CABIN1: variants seen among roughly 807,000 people sequenced by gnomAD.
CABIN1 encodes the protein calcineurin binding protein 1.
Under a neutral mutation model 227.7 loss-of-function variants are expected in CABIN1, and 133 were observed. That is an observed-to-expected ratio of 0.58 (90% confidence interval 0.51 to 0.67). The LOEUF (loss-of-function observed/expected upper bound fraction) is 0.67, where lower values mean the gene tolerates loss of function less well. Among genes scored for constraint, CABIN1 ranks in the 30% least tolerant of loss-of-function variants. The probability of loss-of-function intolerance (pLI) is 0.00; values close to 1 mark genes in which losing one functional copy is unlikely to be tolerated. For synonymous variants in CABIN1, 1,086 were observed against 1,155.1 expected (o/e 0.94, Z 1.21); for missense variants, 2,408 against 2,852.5 (o/e 0.84, Z 3.55).
intron 19 of CABIN1, among the ~76,000 whole-genome samples, chr22:24,082,188 C>G (rs144141456): frequency 2.0e-5 from 3 of 150,006 alleles, no homozygotes; most frequent in Non-Finnish European, 2.9e-5. Context: ...CTCCTGGGCT[C>G]GAGCAGTCTT....
At chr22:24,053,078 CTTTT>C (rs71184943) in intron 8 of CABIN1, among the ~76,000 whole-genome samples, 2 of 131,270 alleles carry the variant, frequency 1.5e-5, no homozygotes, top group Non-Finnish European at 1.6e-5. Context: ...TTTCTTTTTT[CTTTT>C]TTTTTTTTTT....
chr22:24,056,751 A>G (rs950367900), intron 10 of CABIN1, among the ~76,000 whole-genome samples: 2 of 152,096 alleles, frequency 1.3e-5, no homozygotes, highest in Admixed American at 6.5e-5. Context: ...TGTCTACTTG[A>G]TTTGCTCCAG....
chr22:24,048,998 A>T, intron 6 of CABIN1, 93 bp from the exon 7 acceptor site: 1 of 1,453,138 alleles, frequency 6.9e-7, no homozygotes, highest in East Asian at 2.3e-5. Flanking sequence ...CATTTCTTTG[A>T]TTCTAGGAGC....
chr22:24,068,639 T>C (rs563453536), intron 16 of CABIN1, among the ~76,000 whole-genome samples: 29 of 152,370 alleles, frequency 1.9e-4, no homozygotes, highest in Admixed American at 1.3e-4. Flanking sequence ...TGTTTTCTTA[T>C]TGATTTGGAG....
intron 6 of CABIN1, among the ~76,000 whole-genome samples, chr22:24,047,960 T>C (rs545926181): frequency 1.3e-5 from 2 of 152,374 alleles, no homozygotes; most frequent in South Asian, 4.1e-4. Flanking sequence ...TTACAAGTGC[T>C]GAAAGCTTTT....
At chr22:24,153,119 C>A (rs1423814939) in intron 29 of CABIN1, among the ~76,000 whole-genome samples, 2 of 152,170 alleles carry the variant, frequency 1.3e-5, no homozygotes, top group Non-Finnish European at 2.9e-5. Context: ...CAGAAGCCCA[C>A]CACCACTGGG....
At chr22:24,157,068 G>A (rs777805732) in intron 29 of CABIN1, among the ~76,000 whole-genome samples, 25 of 152,344 alleles carry the variant, frequency 1.6e-4, no homozygotes, top group Non-Finnish European at 3.1e-4. Context: ...CGCGTTGTGG[G>A]GGGTGGGGTG....
intron 27 of CABIN1, among the ~76,000 whole-genome samples, chr22:24,115,533 T>C (rs923674130): frequency 1.3e-5 from 2 of 152,220 alleles, no homozygotes; most frequent in Non-Finnish European, 2.9e-5. Flanking sequence ...GTGAAGTTGA[T>C]CAACTTCCTG....
In CABIN1 at chr22:24,059,596, C is replaced by T. The variant is rs117905574; in HGVS notation, c.1399+233C>T. ...GGCCAAATTCAGAGACTTCGCTTTGCAAATTGAATCTATATAAGCACACCT... is the reference window on the plus strand; with the variant it reads ...GGCCAAATTCAGAGACTTCGCTTTGTAAATTGAATCTATATAAGCACACCT... On this transcript the variant is annotated intron_variant, in intron 11 of 36. Transcript: ENST00000263119. 2.4e-3 allele frequency among the ~76,000 whole-genome samples: 370 copies of T among 152,296 alleles called. 5 individuals are homozygous for T. In the South Asian group the frequency reaches 0.032, roughly 13 times the overall value.
chr22:24,072,145 A>G (rs2040132049), intron 17 of CABIN1, among the ~76,000 whole-genome samples: 1 of 152,194 alleles, frequency 6.6e-6, no homozygotes, highest in Non-Finnish European at 1.5e-5. Context: ...TGTGGCATGA[A>G]GGAGAGTAGT....
chr22:24,146,227 A>G (rs1259908377), intron 29 of CABIN1, among the ~76,000 whole-genome samples: 4 of 152,242 alleles, frequency 2.6e-5, no homozygotes, highest in African/African-American at 9.6e-5. Flanking sequence ...GAGATGATCT[A>G]TGGGCCAGTT....
chr22:24,094,811 G>A (rs1433085547), intron 24 of CABIN1, among the ~76,000 whole-genome samples: 4 of 130,150 alleles, frequency 3.1e-5, no homozygotes, highest in Non-Finnish European at 6.3e-5. Flanking sequence ...GCGACAGAGC[G>A]AGACTCCGTC....
intron 18 of CABIN1, among the ~76,000 whole-genome samples, chr22:24,072,914 T>G (rs184777048): frequency 1.3e-5 from 2 of 152,338 alleles, no homozygotes; most frequent in Admixed American, 1.3e-4. Context: ...CAACTGTCAC[T>G]TCTTAGATGT....
rs745374507 is a variant in CABIN1 at position 24,041,146 on chromosome 22, C to A, written c.218C>A (p.Ser73Ter). 1 of 1,614,204 alleles carries A rather than the reference C, an allele frequency of 6.2e-7. No individual in the cohort carries two copies. The highest frequency in any genetic ancestry group is 8.5e-7 in the Non-Finnish European group (1 of 1,180,026). ...GTTCTGTTTTGTTCACAGGCAGTTTCATCCGGTGATGAGAAAGAGGGGTTG... is the reference window on the plus strand; with the variant it reads ...GTTCTGTTTTGTTCACAGGCAGTTTAATCCGGTGATGAGAAAGAGGGGTTG... The part of the protein sequence containing the change: ...LEASLLREAV[S>*]SGDEKEGLKH... Residue 73 changes from serine to a stop codon, truncating the protein, a stop_gained, in exon 5 of 37, where the codon TCA becomes TAA. Coordinates refer to ENST00000263119, the MANE Select transcript of CABIN1 (RefSeq NM_012295.4). LOFTEE classifies it high-confidence loss of function.
intron 29 of CABIN1, among the ~76,000 whole-genome samples, chr22:24,138,907 A>G (rs2044578113): frequency 6.6e-6 from 1 of 152,206 alleles, no homozygotes; most frequent in South Asian, 2.1e-4. Flanking sequence ...GATGTGGGGC[A>G]GGACTCTTAT....
chr22:24,077,082 T>C (rs1253102463), intron 19 of CABIN1, among the ~76,000 whole-genome samples: 1 of 152,194 alleles, frequency 6.6e-6, no homozygotes, highest in Non-Finnish European at 1.5e-5. Context: ...AAATACTTAG[T>C]ATCTGGCCCT....
chr22:24,172,202 A>C (rs2046857222), intron 34 of CABIN1, among the ~76,000 whole-genome samples: 1 of 151,328 alleles, frequency 6.6e-6, no homozygotes, highest in East Asian at 2.0e-4. Flanking sequence ...TACATCTACC[A>C]CTCTTAACCT....
chr22:24,177,765 C>A lies in CABIN1; in HGVS notation c.6467C>A (p.Thr2156Asn). 4.3e-6 allele frequency: 7 copies of A among 1,610,648 alleles called. No individual in the cohort carries two copies. The highest frequency in any genetic ancestry group is 5.9e-6 in the Non-Finnish European group (7 of 1,177,644). Residue 2156 changes from threonine (T) to asparagine (N), a missense_variant, in exon 36 of 37, where the codon ACC becomes AAC. Coordinates refer to ENST00000263119, the MANE Select transcript of CABIN1 (RefSeq NM_012295.4). This position sits in a 1 kb window ranked among gnomAD's most constrained non-coding sequence, Gnocchi z 4.4. ...PEITVTPPTP[T>N]LLSPKGSISE... The stretch of plus-strand genomic sequence containing the variant: ...ATCACCGTCACGCCACCCACCCCAA[C>A]CCTGCTCTCCCCCAAAGGCAGCATC...
At chr22:24,173,329 G>C (rs1175347199) in intron 34 of CABIN1, 1 of 152,196 alleles carries the variant, frequency 6.6e-6, no homozygotes, top group Non-Finnish European at 1.5e-5. Context: ...TCCCACGGTG[G>C]CTCAAGCAGC....
Sources: allele counts gnomAD v4.1 joint callset (sites outside exome capture counted in the v4.1 genomes callset), GRCh38; gene constraint gnomAD v4.1.1; non-coding constraint Gnocchi (gnomAD v3.1); transcripts MANE v1.5; gene names NCBI Gene and HGNC (gene_info 2026-07-23, HGNC 2026-07-21).